Variants in CRIM1 observed in about 807,000 individuals in gnomAD.
The protein encoded by CRIM1 is cysteine-rich motor neuron 1 protein.
Under a neutral mutation model 116.4 loss-of-function variants are expected in CRIM1, and 32 were observed. That is an observed-to-expected ratio of 0.27 (90% CI 0.21 to 0.37). The LOEUF (loss-of-function observed/expected upper bound fraction) is 0.37. Among genes scored for constraint, CRIM1 ranks in the 10% least tolerant of loss-of-function variants. CRIM1 has a pLI of 1.00. For synonymous variants in CRIM1, 590 were observed against 509.2 expected, an observed-to-expected ratio of 1.16 and a Z score of -2.13; for missense variants, 1,331 against 1,354.8, an observed-to-expected ratio of 0.98 and a Z score of 0.28.
chr2:36,386,230 G>T (rs1381136212), intron 1 of CRIM1, among the ~76,000 whole-genome samples: 1 of 152,156 alleles, frequency 6.6e-6, no homozygotes, highest in Non-Finnish European at 1.5e-5. Flanking sequence ...ATTAACGTGT[G>T]TCACATTATC....
intron 4 of CRIM1, among the ~76,000 whole-genome samples, chr2:36,444,438 A>G (rs2124946009): frequency 6.6e-6 from 1 of 152,328 alleles, no homozygotes; most frequent in Admixed American, 6.5e-5. Flanking sequence ...GCTTACAAGA[A>G]TTGTATTAGG....
At chr2:36,411,466 T>C (rs186385608) in intron 2 of CRIM1, among the ~76,000 whole-genome samples, 21 of 152,272 alleles carry the variant, frequency 1.4e-4, no homozygotes, top group Admixed American at 5.2e-4. Flanking sequence ...AAATAATGCA[T>C]TTTCTGAAAA....
intron 1 of CRIM1, among the ~76,000 whole-genome samples, chr2:36,371,927 C>T (rs1013074575): frequency 2.0e-5 from 3 of 152,182 alleles, no homozygotes; most frequent in African/African-American, 7.2e-5. Flanking sequence ...ATCATCATGA[C>T]TTGGTGATAG....
chr2:36,402,575 T>C (rs909523446), intron 2 of CRIM1, among the ~76,000 whole-genome samples: 1 of 151,854 alleles, frequency 6.6e-6, no homozygotes, highest in African/African-American at 2.4e-5. Flanking sequence ...ATTTGTCTTT[T>C]AAAAGATGAA....
At chr2:36,395,239 T>TG (rs983185921) in intron 1 of CRIM1, among the ~76,000 whole-genome samples, 13 of 152,156 alleles carry the variant, frequency 8.5e-5, no homozygotes, top group African/African-American at 3.1e-4. Context: ...GATGGCCAGG[T>TG]GATCTGCCTG....
At position 36,356,664 on chromosome 2, in the gene CRIM1, G is replaced by A; in HGVS notation, c.331+41G>A. 6.4e-7 allele frequency: 1 copy of A among 1,560,114 alleles called. No individual in the cohort carries two copies. Among genetic ancestry groups the A allele is most frequent in the Non-Finnish European group, 8.7e-7 (1 of 1,152,682 alleles). On this transcript the variant is annotated intron_variant, in intron 1 of 16. Coordinates refer to ENST00000280527, the MANE Select transcript of CRIM1 (RefSeq NM_016441.3). The surrounding 1 kb of genome is among the most constrained non-coding windows in gnomAD (Gnocchi z 4.3). The stretch of plus-strand genomic sequence containing the variant: ...GCGGGCCCCCTCCCACCTGGCCTGC[G>A]CCGCCCCCTCGGCGCTGGTTGTGCC...
intron 1 of CRIM1, among the ~76,000 whole-genome samples, chr2:36,387,460 G>A (rs773001302): frequency 7.9e-5 from 12 of 152,158 alleles, no homozygotes; most frequent in Non-Finnish European, 1.6e-4. Context: ...CTTAATCATG[G>A]CATGTGTCTG....
At chr2:36,453,165 G>A (rs953859109) in intron 4 of CRIM1, among the ~76,000 whole-genome samples, 1 of 152,186 alleles carries the variant, frequency 6.6e-6, no homozygotes, top group Non-Finnish European at 1.5e-5. Context: ...CATTGTAGTT[G>A]CAACAGTTTG....
intron 13 of CRIM1, among the ~76,000 whole-genome samples, chr2:36,535,399 T>C (rs559544572): frequency 5.3e-5 from 8 of 152,324 alleles, no homozygotes; most frequent in African/African-American, 1.9e-4. Flanking sequence ...CATGAGTTTC[T>C]TTTGAAAGCC....
chr2:36,464,397 C>T, intron 4 of CRIM1, 137 bp from the exon 5 acceptor site: 1 of 835,182 alleles, frequency 1.2e-6, no homozygotes, highest in South Asian at 1.9e-5. Context: ...TCCCATTTCC[C>T]AGTGACACCA....
At chr2:36,495,160 C>T (rs1407656224) in intron 7 of CRIM1, among the ~76,000 whole-genome samples, 1 of 152,114 alleles carries the variant, frequency 6.6e-6, no homozygotes, top group African/African-American at 2.4e-5. Context: ...ACTTTGTTTA[C>T]GAAACACGCC....
At chr2:36,380,469 A>G (rs1324499568) in intron 1 of CRIM1, among the ~76,000 whole-genome samples, 1 of 152,166 alleles carries the variant, frequency 6.6e-6, no homozygotes, top group South Asian at 2.1e-4. Flanking sequence ...CCTGGAGCTT[A>G]ATTTCATAAG....
intron 14 of CRIM1, among the ~76,000 whole-genome samples, chr2:36,542,852 G>A (rs188778054): frequency 1.2e-4 from 19 of 152,030 alleles, no homozygotes; most frequent in South Asian, 2.1e-4. Flanking sequence ...CACACCTCCC[G>A]GAATCACCTA....
intron 5 of CRIM1, among the ~76,000 whole-genome samples, chr2:36,471,743 ACACACACACACACACACC>A (rs1678534467): frequency 1.4e-5 from 2 of 147,904 alleles, no homozygotes; most frequent in East Asian, 2.0e-4. Context: ...ACACACACAC[ACACACACACACACACACC>A]ATCTTACAAT....
At chr2:36,358,266 C>G (rs1668990210) in intron 1 of CRIM1, among the ~76,000 whole-genome samples, 1 of 152,156 alleles carries the variant, frequency 6.6e-6, no homozygotes, top group South Asian at 2.1e-4. Flanking sequence ...TGTGTTTTGA[C>G]TTTGGGAATT....
intron 11 of CRIM1, 130 bp from the exon 12 acceptor site, chr2:36,517,197 T>C (rs1321325758): frequency 2.9e-6 from 2 of 682,664 alleles, no homozygotes; most frequent in South Asian, 1.8e-5. Context: ...CACTATTCTC[T>C]TAATAAGAAT....
intron 4 of CRIM1, among the ~76,000 whole-genome samples, chr2:36,462,110 C>T (rs1247991780): frequency 6.6e-6 from 1 of 152,130 alleles, no homozygotes; most frequent in Non-Finnish European, 1.5e-5. Flanking sequence ...TGTAAAGATT[C>T]AGCATAAAAC....
intron 13 of CRIM1, among the ~76,000 whole-genome samples, chr2:36,527,040 G>C (rs143716434): frequency 4.5e-4 from 69 of 152,232 alleles, no homozygotes; most frequent in African/African-American, 1.6e-3. Context: ...TGTTATTTTA[G>C]AAGATATTTC....
intron 4 of CRIM1, 75 bp downstream of exon 4, chr2:36,442,810 T>G: frequency 6.4e-7 from 1 of 1,570,476 alleles, no homozygotes; most frequent in East Asian, 2.3e-5. Flanking sequence ...GAGCATGCAG[T>G]TTGTTTTCCC....
Sources: allele counts gnomAD v4.1 joint callset (sites outside exome capture counted in the v4.1 genomes callset), GRCh38; gene constraint gnomAD v4.1.1; non-coding constraint Gnocchi (gnomAD v3.1); transcripts MANE v1.5; gene names NCBI Gene and HGNC (gene_info 2026-07-23, HGNC 2026-07-21).